The following CELF2 variants were observed in gnomAD, a reference collection of about 807,000 sequenced individuals.
CELF2 encodes the protein CUG triplet repeat RNA-binding protein 2.
CELF2 carries 8 observed loss-of-function variants against 62.6 expected under a neutral mutation model. The observed-to-expected ratio is 0.13, with a 90% CI of 0.07 to 0.23. The LOEUF (loss-of-function observed/expected upper bound fraction) is 0.23. Ranked by LOEUF, CELF2 falls within the 10% of genes least tolerant of loss-of-function variation. The probability of loss-of-function intolerance (pLI) is 1.00; values close to 1 mark genes in which losing one functional copy is unlikely to be tolerated. For missense variants in CELF2, 333 were observed against 671.0 expected (o/e 0.50, Z 5.56); for synonymous variants, 258 against 250.0 (o/e 1.03, Z -0.30).
intron 2 of CELF2, among the ~76,000 whole-genome samples, chr10:10,955,929 T>G (rs2135853569): frequency 6.6e-6 from 1 of 152,254 alleles, no homozygotes; most frequent in Non-Finnish European, 1.5e-5. Flanking sequence ...ACCACAATAG[T>G]TTAAACACTA....
At chr10:10,494,031 C>T in the CELF2 span, among the ~76,000 whole-genome samples, 1 of 152,172 alleles carries the variant, frequency 6.6e-6, no homozygotes, top group African/African-American at 2.4e-5. Flanking sequence ...TGAAGTGTTT[C>T]CAGGGTAAAA....
intron 1 of CELF2, among the ~76,000 whole-genome samples, chr10:10,844,060 T>G (rs868457501): frequency 2.0e-4 from 30 of 152,068 alleles, no homozygotes; most frequent in African/African-American, 7.2e-4. Flanking sequence ...CTGAATTCTC[T>G]TGGTGATATT....
In CELF2 at chr10:11,011,919, T is replaced by G. The variant is rs991220302; in HGVS notation, c.53+6479T>G. Among the ~76,000 whole-genome samples the G allele has an allele frequency of 6.6e-6, 1 of 152,224 alleles. No individual in the cohort carries two copies. Among genetic ancestry groups the G allele is most frequent in the Non-Finnish European group, 1.5e-5 (1 of 68,030 alleles). On this transcript the variant is annotated intron_variant, in intron 1 of 12. Coordinates refer to the CELF2 transcript ENST00000416382. The surrounding 1 kb of genome is among the most constrained non-coding windows in gnomAD (Gnocchi z 4.6). Reference sequence around the variant, plus strand: ...AATAAATTTCCTGTGCTCAAAACCTTAATGTATTTTCAACCTACATGTCAC... The same window carrying G: ...AATAAATTTCCTGTGCTCAAAACCTGAATGTATTTTCAACCTACATGTCAC...
At chr10:10,982,400 C>T (rs970235206) in intron 2 of CELF2, among the ~76,000 whole-genome samples, 4 of 152,182 alleles carry the variant, frequency 2.6e-5, no homozygotes, top group Non-Finnish European at 5.9e-5. Context: ...ATTTGTAAAC[C>T]GACAAAAGAA....
chr10:11,216,664 G>T (rs1486257397), intron 2 of CELF2, among the ~76,000 whole-genome samples: 2 of 152,236 alleles, frequency 1.3e-5, no homozygotes, highest in Non-Finnish European at 2.9e-5. Context: ...GGTGGAGGAG[G>T]TTGGCTGGAA....
intron 3 of CELF2, among the ~76,000 whole-genome samples, chr10:11,221,865 A>G (rs2064971633): frequency 6.6e-6 from 1 of 152,232 alleles, no homozygotes. Context: ...GCTCCATTTT[A>G]GCAGCAGCAT....
the CELF2 span, chr10:10,776,259 G>A: frequency 5.2e-5 from 8 of 153,340 alleles, no homozygotes; most frequent in South Asian, 4.1e-4. Flanking sequence ...TTGTTGCTGC[G>A]TTTGGGGAGT....
Position 11,121,248 on chromosome 10 carries a change from T to A in CELF2, c.75-44238T>A, listed in dbSNP as rs368540518. 4.0e-4 allele frequency among the ~76,000 whole-genome samples: 61 copies of A among 152,326 alleles called. 1 individual carries two copies. The Middle Eastern group carries it at 0.024, about 59-fold the overall frequency. ...ATGGTTGATACAAAATTTTAAGACC[T>A]ATCTTAGTGTTTTCAGAGGCTAGCC... On this transcript the variant is annotated intron_variant, in intron 1 of 12. Transcript: ENST00000633077.
At position 11,280,884 on chromosome 10, in the gene CELF2, G is replaced by C. The variant is rs1306415631; in HGVS notation, c.841+5764G>C. 3.3e-5 allele frequency among the ~76,000 whole-genome samples: 5 copies of C among 152,116 alleles called. No individual in the cohort carries two copies. In the East Asian group the frequency reaches 9.6e-4, roughly 29 times the overall value. ...GGCTTCCTGGCGCCAGCCTCCACTGGGTCCTTCCCCATTGACACCTGTGCC... is the reference window on the plus strand; with the variant it reads ...GGCTTCCTGGCGCCAGCCTCCACTGCGTCCTTCCCCATTGACACCTGTGCC... On this transcript the variant is annotated intron_variant, in intron 8 of 12. Coordinates refer to ENST00000633077, the MANE Select transcript of CELF2 (RefSeq NM_001326342.2). The surrounding 1 kb of genome is among the most constrained non-coding windows in gnomAD (Gnocchi z 7.6).
At chr10:11,261,077 C>T (rs1278689645) in intron 5 of CELF2, among the ~76,000 whole-genome samples, 1 of 152,182 alleles carries the variant, frequency 6.6e-6, no homozygotes, top group Non-Finnish European at 1.5e-5. Flanking sequence ...AACACAAAAC[C>T]AGGGTATACC....
chr10:10,781,666 T>A, the CELF2 span, among the ~76,000 whole-genome samples: 1 of 152,326 alleles, frequency 6.6e-6, no homozygotes, highest in East Asian at 1.9e-4. Flanking sequence ...CAGTTCAAGA[T>A]GAGATTTGGG....
the CELF2 span, among the ~76,000 whole-genome samples, chr10:10,753,943 T>G: frequency 6.6e-6 from 1 of 152,156 alleles, no homozygotes. Context: ...GAACAGGATG[T>G]TCAACAGATC....
chr10:10,846,231 C>T (rs769491594), intron 1 of CELF2: 1 of 378,060 alleles, frequency 2.6e-6, no homozygotes, highest in African/African-American at 2.2e-5. Flanking sequence ...GATATGGCCT[C>T]CTCATATGCT....
the CELF2 span, among the ~76,000 whole-genome samples, chr10:10,747,682 C>T: frequency 6.6e-6 from 1 of 152,028 alleles, no homozygotes; most frequent in African/African-American, 2.4e-5. Flanking sequence ...ACCTCATAAG[C>T]CATGCTAAAG....
chr10:11,281,877 A>C (rs1390989553), intron 8 of CELF2, among the ~76,000 whole-genome samples: 1 of 152,238 alleles, frequency 6.6e-6, no homozygotes, highest in East Asian at 1.9e-4. Flanking sequence ...GTTCATTCCC[A>C]GACCTCTGGC....
chr10:10,611,642 T>C, the CELF2 span, among the ~76,000 whole-genome samples: 8 of 152,186 alleles, frequency 5.3e-5, no homozygotes, highest in African/African-American at 1.9e-4. Flanking sequence ...TCTGTCCTTG[T>C]CTAACTTGAT....
At chr10:10,656,192 A>T in the CELF2 span, among the ~76,000 whole-genome samples, 1 of 146,052 alleles carries the variant, frequency 6.8e-6, no homozygotes, top group Middle Eastern at 3.4e-3. Flanking sequence ...CACCAGTTAG[A>T]ATGACAATCA....
chr10:10,540,545 G>T, the CELF2 span, among the ~76,000 whole-genome samples: 1 of 152,108 alleles, frequency 6.6e-6, no homozygotes, highest in South Asian at 2.1e-4. Context: ...CCCATACGGT[G>T]GTTCATGACT....
At chr10:10,502,377 A>C in the CELF2 span, among the ~76,000 whole-genome samples, 4 of 151,970 alleles carry the variant, frequency 2.6e-5, no homozygotes, top group Non-Finnish European at 5.9e-5. Flanking sequence ...TAGGGTCCCA[A>C]ATTCTCCAAT....
Sources: gnomAD v4.1 joint callset for allele counts (sites outside exome capture counted in the v4.1 genomes callset) on GRCh38, gnomAD v4.1.1 for gene constraint, Gnocchi (gnomAD v3.1) non-coding constraint, MANE v1.5 for transcripts, NCBI Gene and HGNC (gene_info 2026-07-23, HGNC 2026-07-21) for gene names.